CHRM5: variants seen among roughly 807,000 people sequenced by gnomAD.
The protein encoded by CHRM5 is cholinergic receptor muscarinic 5.
CHRM5 carries 18 observed loss-of-function variants against 39.0 expected under a neutral mutation model. The ratio of observed to expected loss-of-function variants is 0.46; its 90% CI spans 0.32 to 0.68. The LOEUF (loss-of-function observed/expected upper bound fraction) is 0.68. CHRM5 is among the 30% of genes least tolerant of loss of function. The probability of loss-of-function intolerance (pLI) is 0.04; values close to 1 mark genes in which losing one functional copy is unlikely to be tolerated. For synonymous variants in CHRM5, 241 were observed against 246.3 expected, an observed-to-expected ratio of 0.98 and a Z score of 0.20; for missense variants, 515 against 651.1, an observed-to-expected ratio of 0.79 and a Z score of 2.28.
chr15:33,986,130 G>C (rs971521918), intron 1 of CHRM5, among the ~76,000 whole-genome samples: 3 of 149,858 alleles, frequency 2.0e-5, no homozygotes, highest in African/African-American at 7.4e-5. Context: ...TTTTTGAGAT[G>C]GACTCTCGCT....
At chr15:33,996,153 G>A (rs749839775) in intron 1 of CHRM5, among the ~76,000 whole-genome samples, 8 of 152,242 alleles carry the variant, frequency 5.3e-5, no homozygotes, top group Non-Finnish European at 1.2e-4. Flanking sequence ...GCTGAGACTC[G>A]AGTAGGTAAA....
intron 1 of CHRM5, among the ~76,000 whole-genome samples, chr15:33,969,351 C>A (rs895276712): frequency 2.0e-5 from 3 of 151,648 alleles, no homozygotes; most frequent in Non-Finnish European, 2.9e-5. Flanking sequence ...TCCAAAACTC[C>A]CATTCATTTT....
At chr15:33,998,598 A>G (rs1183102119) in intron 1 of CHRM5, among the ~76,000 whole-genome samples, 1 of 152,228 alleles carries the variant, frequency 6.6e-6, no homozygotes, top group Non-Finnish European at 1.5e-5. Context: ...CTCTTCCCAC[A>G]TTCTTTTTAA....
intron 1 of CHRM5, among the ~76,000 whole-genome samples, chr15:33,997,307 T>G (rs1896974885): frequency 1.3e-5 from 2 of 152,300 alleles, no homozygotes; most frequent in Non-Finnish European, 2.9e-5. Context: ...AGACTACTTT[T>G]TTTTTAACCC....
intron 1 of CHRM5, among the ~76,000 whole-genome samples, chr15:33,985,716 A>C (rs1439219451): frequency 6.6e-6 from 1 of 152,114 alleles, no homozygotes; most frequent in Non-Finnish European, 1.5e-5. Flanking sequence ...TTTGGTAAGT[A>C]AGTACCTATA....
intron 2 of CHRM5, among the ~76,000 whole-genome samples, chr15:34,051,356 A>G (rs1259037402): frequency 1.3e-5 from 2 of 152,224 alleles, no homozygotes; most frequent in Non-Finnish European, 2.9e-5. Context: ...TAAGAGGGAA[A>G]TTTATAGCAC....
rs1039132726 is a variant in CHRM5 at position 34,020,731 on chromosome 15, A to G, written c.-407-25809A>G. Among the ~76,000 whole-genome samples the G allele has an allele frequency of 6.6e-5, 10 of 152,334 alleles. No homozygotes were observed. In the East Asian group the frequency reaches 1.7e-3, roughly 26 times the overall value. On this transcript the variant is annotated intron_variant, in intron 1 of 2. Coordinates refer to ENST00000383263, the MANE Select transcript of CHRM5 (RefSeq NM_012125.4). ...GAATTACGACCTTACTCTCCTTGTC[A>G]TGAAAAGCTGTAAATGAAATTAGGC...
intron 1 of CHRM5, among the ~76,000 whole-genome samples, chr15:34,043,396 G>A (rs986310193): frequency 6.6e-6 from 1 of 152,130 alleles, no homozygotes; most frequent in Admixed American, 6.6e-5. Context: ...CTCTTCATAG[G>A]CAAGCAGATT....
chr15:34,033,916 T>A (rs1344207420), intron 1 of CHRM5, among the ~76,000 whole-genome samples: 2 of 152,036 alleles, frequency 1.3e-5, no homozygotes, highest in Non-Finnish European at 2.9e-5. Flanking sequence ...GCCTCCCAAG[T>A]AGCTGGGATT....
At chr15:33,995,320 T>C (rs1396843322) in intron 1 of CHRM5, among the ~76,000 whole-genome samples, 1 of 151,978 alleles carries the variant, frequency 6.6e-6, no homozygotes, top group Non-Finnish European at 1.5e-5. Context: ...ACAATAAAAA[T>C]ACAAATAAAA....
At chr15:34,002,817 T>C (rs1258399221) in intron 1 of CHRM5, among the ~76,000 whole-genome samples, 3 of 152,196 alleles carry the variant, frequency 2.0e-5, no homozygotes, top group African/African-American at 4.8e-5. Context: ...GCAAAGACTT[T>C]AGTCATTCTA....
chr15:34,053,212 A>G (rs895893777), intron 2 of CHRM5, among the ~76,000 whole-genome samples: 1 of 148,098 alleles, frequency 6.8e-6, no homozygotes, highest in African/African-American at 2.5e-5. Context: ...AGGCAGGAGA[A>G]TTGCTTGAAC....
intron 1 of CHRM5, among the ~76,000 whole-genome samples, chr15:33,996,158 G>C (rs1414435051): frequency 1.3e-5 from 2 of 152,242 alleles, no homozygotes; most frequent in Non-Finnish European, 2.9e-5. Context: ...GACTCGAGTA[G>C]GTAAACATTG....
chr15:33,996,404 C>A (rs1896935500), intron 1 of CHRM5, among the ~76,000 whole-genome samples: 1 of 152,238 alleles, frequency 6.6e-6, no homozygotes, highest in South Asian at 2.1e-4. Flanking sequence ...CCCCATGTAG[C>A]CTAACTGGGA....
At chr15:34,027,665 C>T (rs909720313) in intron 1 of CHRM5, among the ~76,000 whole-genome samples, 2 of 152,064 alleles carry the variant, frequency 1.3e-5, no homozygotes, top group Non-Finnish European at 2.9e-5. Context: ...ATTTGACCTC[C>T]CTGACAGCTC....
intron 1 of CHRM5, chr15:34,038,650 G>A (rs1597379199): frequency 3.5e-6 from 3 of 856,386 alleles, no homozygotes; most frequent in East Asian, 1.2e-4. Flanking sequence ...CGCCCGTCCC[G>A]CGCAGGCGCC....
intron 1 of CHRM5, among the ~76,000 whole-genome samples, chr15:34,035,740 T>C (rs1340683129): frequency 6.6e-6 from 1 of 152,140 alleles, no homozygotes; most frequent in Non-Finnish European, 1.5e-5. Flanking sequence ...CAAAGATAAA[T>C]ACTAAACAAT....
At chr15:34,051,823 G>A (rs1315723260) in intron 2 of CHRM5, among the ~76,000 whole-genome samples, 2 of 151,746 alleles carry the variant, frequency 1.3e-5, no homozygotes, top group Non-Finnish European at 2.9e-5. Flanking sequence ...CCAATAATGA[G>A]TTCTGAAATT....
intron 2 of CHRM5, among the ~76,000 whole-genome samples, chr15:34,057,303 A>ATTTTTTTTT (rs59628367): frequency 6.8e-6 from 1 of 147,252 alleles, no homozygotes; most frequent in African/African-American, 2.5e-5. Context: ...CGCCCAGCTA[A>ATTTTTTTTT]TTTTTTTTTT....
Sources: gnomAD v4.1 joint callset for allele counts (sites outside exome capture counted in the v4.1 genomes callset) on GRCh38, gnomAD v4.1.1 for gene constraint, MANE v1.5 for transcripts, NCBI Gene and HGNC (gene_info 2026-07-23, HGNC 2026-07-21) for gene names.